The following ANKRD12 variants were observed in gnomAD, a reference collection of about 807,000 sequenced individuals.
ANKRD12 encodes the protein ankyrin repeat domain 12, also known as ankyrin repeat domain-containing protein 12.
In ANKRD12, 85 loss-of-function variants were observed where a neutral mutation model predicts 183.4. That is an observed-to-expected ratio of 0.46 (90% confidence interval 0.39 to 0.56). The LOEUF is 0.56. ANKRD12 is among the 20% of genes least tolerant of loss of function. ANKRD12 has a pLI of 0.00. For missense variants in ANKRD12, 2,405 were observed against 2,357.1 expected, an observed-to-expected ratio of 1.02 and a Z score of -0.42; for synonymous variants, 914 against 800.2, an observed-to-expected ratio of 1.14 and a Z score of -2.40.
chr18:9,175,583 A>G (rs1419675393), intron 1 of ANKRD12, among the ~76,000 whole-genome samples: 1 of 117,028 alleles, frequency 8.5e-6, no homozygotes, highest in Non-Finnish European at 1.6e-5. Flanking sequence ...GCTGGAGTGC[A>G]GTGGCACTAT....
At chr18:9,166,291 G>C (rs1343612292) in intron 1 of ANKRD12, among the ~76,000 whole-genome samples, 1 of 152,080 alleles carries the variant, frequency 6.6e-6, no homozygotes, top group Admixed American at 6.5e-5. Flanking sequence ...CTGAGGAATC[G>C]CCACACTGAC....
intron 1 of ANKRD12, among the ~76,000 whole-genome samples, chr18:9,178,325 C>CTGAGGTAAGGATCAAGAT: frequency 1.5e-5 from 1 of 66,114 alleles, no homozygotes; most frequent in Non-Finnish European, 3.8e-5. Flanking sequence ...TCAAGATTCT[C>CTGAGGTAAGGATCAAGAT]TCTCTCTCTC....
chr18:9,210,005 A>T (rs1283006349), intron 5 of ANKRD12, among the ~76,000 whole-genome samples: 1 of 151,258 alleles, frequency 6.6e-6, no homozygotes, highest in Non-Finnish European at 1.5e-5. Flanking sequence ...TTATGGGTTA[A>T]TTTTTTTTTC....
intron 1 of ANKRD12, among the ~76,000 whole-genome samples, chr18:9,143,546 C>T (rs575821314): frequency 2.0e-5 from 3 of 152,230 alleles, no homozygotes; most frequent in South Asian, 2.1e-4. Flanking sequence ...CTGCAACCTC[C>T]GCCTCCTGGT....
chr18:9,169,882 TC>T (rs2032508789), intron 1 of ANKRD12, among the ~76,000 whole-genome samples: 3 of 152,350 alleles, frequency 2.0e-5, no homozygotes, highest in Admixed American at 2.0e-4. Flanking sequence ...AGTGCTTCCT[TC>T]AGGAGCTCTT....
intron 8 of ANKRD12, among the ~76,000 whole-genome samples, chr18:9,229,594 T>A (rs1277210897): frequency 6.6e-6 from 1 of 152,196 alleles, no homozygotes; most frequent in African/African-American, 2.4e-5. Flanking sequence ...TGCCTTGATT[T>A]CTTTTTCAGC....
intron 10 of ANKRD12, among the ~76,000 whole-genome samples, chr18:9,270,968 T>TGGCCAGCTATGTCATACAAGTATCTCC (rs1231028643): frequency 1.3e-5 from 2 of 152,200 alleles, no homozygotes; most frequent in African/African-American, 4.8e-5. Flanking sequence ...TGCTTGATAT[T>TGGCCAGCTATGTCATACAAGTATCTCC]GGCCAGCTAT....
chr18:9,259,186 A>G (rs1006518604), intron 9 of ANKRD12, among the ~76,000 whole-genome samples: 1 of 152,228 alleles, frequency 6.6e-6, no homozygotes, highest in Non-Finnish European at 1.5e-5. Context: ...AACTATAAAG[A>G]ACAAATTTAA....
At chr18:9,204,815 C>A (rs1029118354) in intron 4 of ANKRD12, among the ~76,000 whole-genome samples, 1 of 152,156 alleles carries the variant, frequency 6.6e-6, no homozygotes, top group East Asian at 1.9e-4. Context: ...ACACCATTCA[C>A]GCAGAAAACA....
intron 8 of ANKRD12, among the ~76,000 whole-genome samples, chr18:9,247,394 G>A (rs1238842139): frequency 2.0e-5 from 3 of 151,996 alleles, no homozygotes; most frequent in East Asian, 1.9e-4. Flanking sequence ...CAGGAGGATC[G>A]CATGAGCCCA....
intron 10 of ANKRD12, 26 bp downstream of exon 10, chr18:9,263,914 A>C (rs777602927): frequency 1.5e-6 from 2 of 1,346,084 alleles, no homozygotes; most frequent in Non-Finnish European, 1.0e-6. Flanking sequence ...ATTTACACTT[A>C]TGCTAAAAAT....
intron 8 of ANKRD12, among the ~76,000 whole-genome samples, chr18:9,227,236 A>G (rs1318780062): frequency 6.6e-6 from 1 of 152,196 alleles, no homozygotes; most frequent in Non-Finnish European, 1.5e-5. Context: ...GAGGTAAAAC[A>G]TTAACTGGAT....
chr18:9,175,144 TA>T (rs2033145343), intron 1 of ANKRD12, among the ~76,000 whole-genome samples: 1 of 152,024 alleles, frequency 6.6e-6, no homozygotes, highest in South Asian at 2.1e-4. Flanking sequence ...CCAAAGCATT[TA>T]AAGCATTGAT....
chr18:9,272,093 G>A (rs932273471), intron 10 of ANKRD12, among the ~76,000 whole-genome samples: 2 of 152,124 alleles, frequency 1.3e-5, no homozygotes, highest in Admixed American at 1.3e-4. Context: ...CAATACATTG[G>A]CACACCCATA....
intron 10 of ANKRD12, among the ~76,000 whole-genome samples, chr18:9,264,829 C>G (rs1334876841): frequency 6.6e-6 from 1 of 152,210 alleles, no homozygotes; most frequent in Non-Finnish European, 1.5e-5. Context: ...TACAGAAAGT[C>G]TTGCCACCTT....
At chr18:9,210,416 G>T (rs988718218) in intron 5 of ANKRD12, among the ~76,000 whole-genome samples, 17 of 151,846 alleles carry the variant, frequency 1.1e-4, no homozygotes, top group African/African-American at 4.1e-4. Context: ...CCGAGACAAT[G>T]TACTTTAAAA....
intron 8 of ANKRD12, among the ~76,000 whole-genome samples, chr18:9,243,051 A>G (rs2145022718): frequency 6.6e-6 from 1 of 152,348 alleles, no homozygotes; most frequent in Non-Finnish European, 1.5e-5. Context: ...TCCTGTTTCT[A>G]AACTACCTTG....
In ANKRD12 at chr18:9,222,012, TA is replaced by T; in HGVS notation, c.943+15del. The T allele has an allele frequency of 6.2e-7, 1 of 1,613,078 alleles. No individual in the cohort carries two copies. The highest frequency in any genetic ancestry group is 8.5e-7 in the Non-Finnish European group (1 of 1,179,458). On this transcript the variant is annotated intron_variant, in intron 8 of 12. Coordinates refer to ENST00000262126, the MANE Select transcript of ANKRD12 (RefSeq NM_015208.5). The stretch of plus-strand genomic sequence containing the variant: ...GAAAGTTACACAGGTTTGTTTCAGA[TA>T]ATCTACATTCATCTGTTCGTTTGAC...
chr18:9,137,487 G>C (rs1244032522), intron 1 of ANKRD12: 1 of 146,492 alleles, frequency 6.8e-6, no homozygotes, highest in Non-Finnish European at 1.5e-5. Flanking sequence ...GACCCGCGGG[G>C]GCGGGGGCGC....
Sources: gnomAD v4.1 joint callset for allele counts (sites outside exome capture counted in the v4.1 genomes callset) on GRCh38, gnomAD v4.1.1 for gene constraint, MANE v1.5 for transcripts, NCBI Gene and HGNC (gene_info 2026-07-23, HGNC 2026-07-21) for gene names.